AFF3: variants seen among roughly 807,000 people sequenced by gnomAD.
AFF3 encodes the protein AF4/FMR2 family member 3.
Under a neutral mutation model 129.7 loss-of-function variants are expected in AFF3, and 32 were observed. The observed-to-expected ratio is 0.25, with a 90% CI of 0.19 to 0.33. AFF3 has a LOEUF of 0.33. Among genes scored for constraint, AFF3 ranks in the 10% least tolerant of loss-of-function variants. The pLI, the probability that AFF3 is intolerant of heterozygous loss-of-function variation, is 1.00. For synonymous variants in AFF3, 644 were observed against 635.4 expected, an observed-to-expected ratio of 1.01 and a Z score of -0.20; for missense variants, 1,373 against 1,592.0, an observed-to-expected ratio of 0.86 and a Z score of 2.34.
At chr2:100,123,519 C>T (rs1424146101) in intron 2 of AFF3, among the ~76,000 whole-genome samples, 1 of 152,194 alleles carries the variant, frequency 6.6e-6, no homozygotes, top group African/African-American at 2.4e-5. Flanking sequence ...ATTGGGCATA[C>T]TCCAGTTCAA....
At position 99,990,544 on chromosome 2, in the gene AFF3, T is replaced by C. The variant is rs553983645; in HGVS notation, c.873+16088A>G. On this transcript the variant is annotated intron_variant, in intron 7 of 24. Transcript: ENST00000672756. ...ATAACTGACGTTTGTCCATAAATTG[T>C]TTGTTCTACATCCTGCAAGGATTGG... is the stretch of plus-strand genomic sequence containing the variant. Among the ~76,000 whole-genome samples the C allele has an allele frequency of 2.0e-5, 3 of 152,278 alleles. No homozygotes were observed. In the South Asian group the frequency reaches 6.2e-4, roughly 32 times the overall value.
chr2:99,878,993 G>A (rs1692497010), intron 7 of AFF3, among the ~76,000 whole-genome samples: 1 of 152,136 alleles, frequency 6.6e-6, no homozygotes, highest in South Asian at 2.1e-4. Context: ...TCAGAGAGAA[G>A]ATGTCAGAAT....
chr2:99,737,521 T>C (rs1442665051), intron 10 of AFF3, among the ~76,000 whole-genome samples: 1 of 152,172 alleles, frequency 6.6e-6, no homozygotes. Flanking sequence ...CTTCTCTGTT[T>C]GCAGGCTCCC....
At chr2:99,778,897 CGT>C (rs61526527) in intron 8 of AFF3, among the ~76,000 whole-genome samples, 111 of 43,162 alleles carry the variant, frequency 2.6e-3, no homozygotes, top group Middle Eastern at 0.026. Context: ...TGTGTGTGCG[CGT>C]GTGTGTGTGT....
intron 10 of AFF3, among the ~76,000 whole-genome samples, chr2:99,728,366 T>G (rs1679532194): frequency 6.6e-6 from 1 of 152,188 alleles, no homozygotes; most frequent in South Asian, 2.1e-4. Flanking sequence ...AAGTCAGGCC[T>G]GGAGATCTCT....
At chr2:99,984,663 T>C (rs17436983) in intron 7 of AFF3, among the ~76,000 whole-genome samples, 16,307 of 152,186 alleles carry the variant, frequency 0.11, 1,210 homozygotes, top group Non-Finnish European at 0.15. Context: ...GTTCCAGTTC[T>C]ATATGGTCCA....
At chr2:100,114,335 G>A (rs1573454221) in intron 2 of AFF3, among the ~76,000 whole-genome samples, 1 of 152,254 alleles carries the variant, frequency 6.6e-6, no homozygotes, top group East Asian at 1.9e-4. Context: ...CCCTTCTAAG[G>A]GTACGGCCCT....
chr2:99,577,263 G>A (rs890306252), intron 18 of AFF3, among the ~76,000 whole-genome samples: 4 of 152,254 alleles, frequency 2.6e-5, no homozygotes, highest in Non-Finnish European at 4.4e-5. Context: ...AGATCATGCC[G>A]AGACTCCGGG....
intron 4 of AFF3, among the ~76,000 whole-genome samples, chr2:100,024,448 A>G (rs1683871316): frequency 1.3e-5 from 2 of 149,478 alleles, no homozygotes; most frequent in Non-Finnish European, 3.0e-5. Context: ...ACTAACAAAA[A>G]AAATACAAAA....
At chr2:99,647,881 A>G (rs1420256933) in intron 13 of AFF3, among the ~76,000 whole-genome samples, 1 of 152,206 alleles carries the variant, frequency 6.6e-6, no homozygotes, top group Non-Finnish European at 1.5e-5. Flanking sequence ...TGGGCTTGAC[A>G]AGGGATTTTT....
intron 7 of AFF3, among the ~76,000 whole-genome samples, chr2:99,869,833 T>C (rs1042121308): frequency 6.6e-6 from 1 of 152,182 alleles, no homozygotes; most frequent in Non-Finnish European, 1.5e-5. Flanking sequence ...GCACTCAAAA[T>C]CCTGCTCTTC....
chr2:99,592,367 C>T (rs1192268628), intron 15 of AFF3, among the ~76,000 whole-genome samples: 4 of 152,242 alleles, frequency 2.6e-5, no homozygotes, highest in South Asian at 2.1e-4. Context: ...TCAATGCTAA[C>T]AGAAGCAACA....
chr2:99,617,554 T>C (rs909528712), intron 13 of AFF3, among the ~76,000 whole-genome samples: 2 of 152,246 alleles, frequency 1.3e-5, no homozygotes, highest in Admixed American at 6.5e-5. Flanking sequence ...TTATCTGATA[T>C]ACATTGTGCA....
chr2:100,023,649 G>A (rs947213949), intron 4 of AFF3, among the ~76,000 whole-genome samples: 1 of 152,046 alleles, frequency 6.6e-6, no homozygotes, highest in Admixed American at 6.5e-5. Flanking sequence ...GAAATGAGAA[G>A]ATTCAGCTAA....
At chr2:99,835,621 C>T (rs1294612205) in intron 8 of AFF3, among the ~76,000 whole-genome samples, 2 of 152,260 alleles carry the variant, frequency 1.3e-5, no homozygotes, top group East Asian at 3.9e-4. Context: ...AAGCTCCAGG[C>T]TCAACTAGCG....
At chr2:99,997,476 C>CCG (rs1491364338) in intron 7 of AFF3, among the ~76,000 whole-genome samples, 2 of 49,686 alleles carry the variant, frequency 4.0e-5, no homozygotes, top group African/African-American at 3.4e-4. Context: ...GCAACTATCA[C>CCG]CCCCCCCCCA....
intron 13 of AFF3, among the ~76,000 whole-genome samples, chr2:99,638,575 GAT>G (rs1267639607): frequency 2.0e-5 from 3 of 152,142 alleles, no homozygotes; most frequent in Admixed American, 6.5e-5. Flanking sequence ...GCCCACAGAG[GAT>G]CTAAGTAACT....
At chr2:99,780,756 G>A (rs1317820904) in intron 8 of AFF3, among the ~76,000 whole-genome samples, 33 of 152,012 alleles carry the variant, frequency 2.2e-4, no homozygotes, top group Non-Finnish European at 1.6e-4. Context: ...CTTTCACCCT[G>A]AGCATGCCAT....
intron 11 of AFF3, among the ~76,000 whole-genome samples, chr2:99,673,049 C>CTT (rs149522615): frequency 1.4e-5 from 2 of 143,376 alleles, no homozygotes; most frequent in African/African-American, 5.1e-5. Context: ...AAAGAAGATG[C>CTT]TTTTTTTTTT....
Sources: allele counts gnomAD v4.1 joint callset (sites outside exome capture counted in the v4.1 genomes callset), GRCh38; gene constraint gnomAD v4.1.1; transcripts MANE v1.5; gene names NCBI Gene and HGNC (gene_info 2026-07-23, HGNC 2026-07-21).